Variants in KLF12 observed in about 807,000 individuals in gnomAD.
KLF12 encodes KLF transcription factor 12.
A neutral mutation model predicts 37.8 loss-of-function variants in KLF12; 9 were observed. The observed-to-expected ratio is 0.24, with a 90% CI of 0.14 to 0.42. KLF12 has a LOEUF of 0.42. Ranked by LOEUF, KLF12 falls within the 10% of genes least tolerant of loss-of-function variation. KLF12 has a pLI of 1.00. For missense variants in KLF12, 411 were observed against 516.0 expected (o/e 0.80, Z 1.97); for synonymous variants, 208 against 202.1 (o/e 1.03, Z -0.25).
chr13:74,049,378 C>T (rs748597177), intron 1 of KLF12, among the ~76,000 whole-genome samples: 3 of 152,164 alleles, frequency 2.0e-5, no homozygotes, highest in Non-Finnish European at 4.4e-5. Context: ...AAAGACAGTT[C>T]CTGCCATCAA....
chr13:74,112,384 T>TTGTGTGTGTGTGTGTGTGTGTGTGTGTG (rs67487546), intron 1 of KLF12, among the ~76,000 whole-genome samples: 1 of 145,166 alleles, frequency 6.9e-6, no homozygotes, highest in Non-Finnish European at 1.5e-5. Flanking sequence ...TTTGCAGATA[T>TTGTGTGTGTGTGTGTGTGTGTGTGTGTG]TGTCTGTGTG....
the KLF12 span, among the ~76,000 whole-genome samples, chr13:74,192,360 A>G: frequency 4.6e-5 from 7 of 152,230 alleles, no homozygotes; most frequent in African/African-American, 7.2e-5. Flanking sequence ...AATTTGAACT[A>G]GTCTAGGATA....
At chr13:73,740,629 C>T (rs553344675) in intron 6 of KLF12, among the ~76,000 whole-genome samples, 3 of 152,308 alleles carry the variant, frequency 2.0e-5, no homozygotes, top group South Asian at 4.1e-4. Flanking sequence ...TTGTGAGCCA[C>T]TGCACCTGGC....
At chr13:74,202,113 C>G in the KLF12 span, among the ~76,000 whole-genome samples, 1 of 152,082 alleles carries the variant, frequency 6.6e-6, no homozygotes, top group Non-Finnish European at 1.5e-5. Flanking sequence ...AAAGAAAATA[C>G]AAATAATTTG....
chr13:74,121,947 C>G (rs1235020113), intron 1 of KLF12, among the ~76,000 whole-genome samples: 1 of 152,028 alleles, frequency 6.6e-6, no homozygotes, highest in Admixed American at 6.5e-5. Flanking sequence ...TAGACTCCCT[C>G]TCTTATACCA....
intron 3 of KLF12, among the ~76,000 whole-genome samples, chr13:73,870,233 T>C (rs1427897577): frequency 2.0e-5 from 3 of 152,204 alleles, no homozygotes; most frequent in Non-Finnish European, 4.4e-5. Flanking sequence ...GCGTCAGTTT[T>C]CCCTGATTGC....
intron 3 of KLF12, among the ~76,000 whole-genome samples, chr13:73,895,404 G>A (rs1253603069): frequency 6.6e-6 from 1 of 152,150 alleles, no homozygotes; most frequent in Non-Finnish European, 1.5e-5. Flanking sequence ...TGACAACCAG[G>A]CAACACTGTT....
intron 5 of KLF12, among the ~76,000 whole-genome samples, chr13:73,790,685 G>A (rs1881634882): frequency 6.6e-6 from 1 of 152,216 alleles, no homozygotes; most frequent in Admixed American, 6.5e-5. Flanking sequence ...GCATCATTTA[G>A]TACCAATTTC....
chr13:74,083,733 T>C (rs777806344), intron 1 of KLF12, among the ~76,000 whole-genome samples: 8 of 152,224 alleles, frequency 5.3e-5, no homozygotes, highest in Non-Finnish European at 8.8e-5. Context: ...AATTGAGTAA[T>C]GGCAATTTCA....
intron 2 of KLF12, among the ~76,000 whole-genome samples, chr13:73,979,001 AG>A (rs1891617197): frequency 6.6e-6 from 1 of 152,204 alleles, no homozygotes; most frequent in South Asian, 2.1e-4. Context: ...GTGGTTGCCA[AG>A]GGTTGGGGAG....
chr13:73,888,409 T>C (rs8002473), intron 3 of KLF12, among the ~76,000 whole-genome samples: 69,453 of 152,142 alleles, frequency 0.46, 16,243 homozygotes, highest in Middle Eastern at 0.51. Context: ...TAAGACTGTG[T>C]TTTGATTATG....
At chr13:74,051,466 C>T (rs1385491367) in intron 1 of KLF12, among the ~76,000 whole-genome samples, 2 of 151,490 alleles carry the variant, frequency 1.3e-5, no homozygotes, top group Non-Finnish European at 2.9e-5. Context: ...GGTGGTGGTG[C>T]GAGGAGGGGC....
chr13:74,060,430 ACTT>A (rs777464867), intron 1 of KLF12, among the ~76,000 whole-genome samples: 31 of 145,410 alleles, frequency 2.1e-4, no homozygotes, highest in Non-Finnish European at 3.3e-4. Flanking sequence ...GTTTTGTAGA[ACTT>A]CTTCTTAAGA....
chr13:73,894,359 AAGATAC>A (rs1887658274), intron 3 of KLF12, among the ~76,000 whole-genome samples: 1 of 152,220 alleles, frequency 6.6e-6, no homozygotes, highest in South Asian at 2.1e-4. Flanking sequence ...CCCTGTAAGT[AAGATAC>A]AGAGTGTCAT....
chr13:74,033,922 G>C (rs910254146), intron 1 of KLF12, among the ~76,000 whole-genome samples: 1 of 150,420 alleles, frequency 6.6e-6, no homozygotes, highest in Non-Finnish European at 1.5e-5. Flanking sequence ...CTTCCATATG[G>C]CCATCTTTTT....
the KLF12 span, among the ~76,000 whole-genome samples, chr13:74,140,288 G>A: frequency 3.3e-5 from 5 of 152,240 alleles, no homozygotes; most frequent in South Asian, 2.1e-4. Context: ...TTTGGGAAGC[G>A]GAAGTGACAG....
chr13:74,052,218 C>T lies in KLF12; in HGVS notation c.-31-57165G>A, dbSNP rs76911911. The stretch of plus-strand genomic sequence containing the variant: ...GTCTATAAATACCAGGGTTTTAAAG[C>T]TCAGAAAACAGAAAACAGCTCCATG... On this transcript the variant is annotated intron_variant, in intron 1 of 7. Coordinates refer to ENST00000377669, the MANE Select transcript of KLF12 (RefSeq NM_007249.5). Among the ~76,000 whole-genome samples, 1,030 of 152,088 alleles carry T rather than the reference C, an allele frequency of 6.8e-3. 1 individual carries two copies. The highest frequency in any genetic ancestry group is 0.024 in the African/African-American group (975 of 41,484).
chr13:74,119,332 CAAAA>C (rs35654507), intron 1 of KLF12, among the ~76,000 whole-genome samples: 2 of 142,158 alleles, frequency 1.4e-5, no homozygotes, highest in Admixed American at 7.0e-5. Context: ...ACTCTTATCG[CAAAA>C]AAAAAAAAAG....
intron 2 of KLF12, among the ~76,000 whole-genome samples, chr13:73,985,641 G>A (rs966577108): frequency 3.9e-5 from 6 of 151,956 alleles, no homozygotes; most frequent in African/African-American, 1.2e-4. Context: ...ATTGTCAAGC[G>A]GCCTTTCATT....
Sources: allele counts gnomAD v4.1 joint callset (sites outside exome capture counted in the v4.1 genomes callset), GRCh38; gene constraint gnomAD v4.1.1; transcripts MANE v1.5; gene names NCBI Gene and HGNC (gene_info 2026-07-23, HGNC 2026-07-21).